The following PHF14 variants were observed in gnomAD, a reference collection of about 807,000 sequenced individuals.
PHF14 encodes PHD finger protein 14.
Under a neutral mutation model 117.9 loss-of-function variants are expected in PHF14, and 55 were observed. The ratio of observed to expected loss-of-function variants is 0.47; its 90% CI spans 0.38 to 0.58. The LOEUF (loss-of-function observed/expected upper bound fraction) is 0.58. PHF14 is among the 20% of genes least tolerant of loss of function. PHF14 has a pLI of 0.00. For synonymous variants in PHF14, 409 were observed against 368.6 expected (o/e 1.11, Z -1.26); for missense variants, 978 against 1,122.2 (o/e 0.87, Z 1.84).
intron 4 of PHF14, among the ~76,000 whole-genome samples, chr7:11,009,947 G>C (rs1583361211): frequency 6.6e-6 from 1 of 152,290 alleles, no homozygotes; most frequent in Admixed American, 6.5e-5. Flanking sequence ...TATGTGTGTG[G>C]AATATTCTTT....
At chr7:11,055,285 A>G (rs557422184) in intron 14 of PHF14, among the ~76,000 whole-genome samples, 1 of 152,188 alleles carries the variant, frequency 6.6e-6, no homozygotes, top group Non-Finnish European at 1.5e-5. Flanking sequence ...CATATTTTCT[A>G]ATACTCTAAT....
rs543602845 is a variant in PHF14, at chr7:11,066,661, A to G, written c.2654+4576A>G. The stretch of plus-strand genomic sequence containing the variant: ...CTGCCCCATGTGGATTCCCAGTATC[A>G]TTTGTTGAAAATACTTGCCTTTCCA... On this transcript the variant is annotated intron_variant, in intron 16 of 17. Coordinates refer to ENST00000634607, the MANE Select transcript of PHF14 (RefSeq NM_001007157.2). 3.9e-5 allele frequency among the ~76,000 whole-genome samples: 6 copies of G among 152,334 alleles called. No homozygotes were observed. In the East Asian group the frequency reaches 7.7e-4, roughly 20 times the overall value.
chr7:11,163,836 T>C (rs1789120719), intron 17 of PHF14, among the ~76,000 whole-genome samples: 1 of 152,194 alleles, frequency 6.6e-6, no homozygotes, highest in Non-Finnish European at 1.5e-5. Flanking sequence ...TTTAAATGAA[T>C]AAAACAATAT....
intron 16 of PHF14, among the ~76,000 whole-genome samples, chr7:11,090,115 C>T (rs1207918312): frequency 6.6e-6 from 1 of 152,132 alleles, no homozygotes; most frequent in Non-Finnish European, 1.5e-5. Flanking sequence ...TTTTTTTATA[C>T]TTAAGATTAT....
At chr7:10,993,824 A>G (rs1194883220) in intron 4 of PHF14, among the ~76,000 whole-genome samples, 2 of 151,870 alleles carry the variant, frequency 1.3e-5, no homozygotes, top group African/African-American at 4.8e-5. Flanking sequence ...GCCTGGCCAA[A>G]ATGGTGAAAC....
rs570329546 is a variant in PHF14 at position 11,066,378 on chromosome 7, G to A, written c.2654+4293G>A. 1.2e-3 allele frequency among the ~76,000 whole-genome samples: 183 copies of A among 152,206 alleles called. 1 individual carries two copies. The highest frequency in any genetic ancestry group is 4.3e-3 in the African/African-American group (178 of 41,540). On this transcript the variant is annotated intron_variant, in intron 16 of 17. Coordinates refer to ENST00000634607, the MANE Select transcript of PHF14 (RefSeq NM_001007157.2). ...GGGCTCAAGCAATCCTCTCACCTCAGCCTCCCGAGTAGCTGAGACTTGATT... is the reference window on the plus strand; with the variant it reads ...GGGCTCAAGCAATCCTCTCACCTCAACCTCCCGAGTAGCTGAGACTTGATT...
At position 10,983,079 on chromosome 7, in the gene PHF14, A is replaced by G; in HGVS notation, c.820A>G (p.Lys274Glu). Reference protein sequence around the residue: ...SEGGCKKKKSKVLSRNSADDE... With the variant: ...SEGGCKKKKSEVLSRNSADDE... ...AGGGGGTTGCAAGAAGAAGAAGAGT[A>G]AAGTTCTTAGCAGAAACAGTGCTGA... is the stretch of plus-strand genomic sequence containing the variant. Residue 274 changes from lysine to glutamate, a missense_variant, in exon 3 of 18, where the codon AAA becomes GAA. Lys to Glu is a moderately conservative substitution (Grantham distance 56). Around this residue, in one of 7 missense-constraint regions of PHF14, gnomAD observed 414 missense variants for 376.4 expected, o/e 1.10. Coordinates refer to ENST00000634607, the MANE Select transcript of PHF14 (RefSeq NM_001007157.2). 2 of 1,599,300 alleles carry G rather than the reference A, an allele frequency of 1.3e-6. No individual in the cohort carries two copies. The highest frequency in any genetic ancestry group is 1.3e-5 in the African/African-American group (1 of 75,046).
At chr7:11,148,696 T>C (rs548788667) in intron 17 of PHF14, among the ~76,000 whole-genome samples, 8 of 152,160 alleles carry the variant, frequency 5.3e-5, no homozygotes, top group Non-Finnish European at 8.8e-5. Context: ...ACCTGACACA[T>C]AATAGACACA....
At chr7:11,124,616 C>T (rs1280700906) in intron 17 of PHF14, among the ~76,000 whole-genome samples, 1 of 151,764 alleles carries the variant, frequency 6.6e-6, no homozygotes, top group Non-Finnish European at 1.5e-5. Flanking sequence ...CTCCTTTCTG[C>T]AGATGAAAGA....
intron 3 of PHF14, among the ~76,000 whole-genome samples, chr7:10,985,339 A>C (rs10277845): frequency 0.11 from 17,386 of 152,122 alleles, 1,277 homozygotes; most frequent in African/African-American, 0.21. Context: ...CTTTGTTTTC[A>C]GAAACTACTT....
At chr7:11,118,234 G>A (rs1427714227) in intron 17 of PHF14, among the ~76,000 whole-genome samples, 1 of 151,840 alleles carries the variant, frequency 6.6e-6, no homozygotes, top group Admixed American at 6.6e-5. Context: ...TAAAACTGTG[G>A]TATGTGGTTA....
At chr7:11,031,957 A>G (rs1784134818) in intron 7 of PHF14, among the ~76,000 whole-genome samples, 1 of 152,128 alleles carries the variant, frequency 6.6e-6, no homozygotes, top group African/African-American at 2.4e-5. Flanking sequence ...AGAAAATTAT[A>G]TTTGAAACAA....
At chr7:11,146,806 C>A (rs572788095) in intron 17 of PHF14, among the ~76,000 whole-genome samples, 1 of 152,040 alleles carries the variant, frequency 6.6e-6, no homozygotes, top group Non-Finnish European at 1.5e-5. Context: ...AATTGACTCA[C>A]TTTTGTGCAA....
Position 11,068,177 on chromosome 7 carries a change from C to T in PHF14, c.2654+6092C>T, listed in dbSNP as rs902980297. 9.9e-5 allele frequency among the ~76,000 whole-genome samples: 15 copies of T among 151,858 alleles called. 1 individual carries two copies. The South Asian group carries it at 2.3e-3, about 23-fold the overall frequency. On this transcript the variant is annotated intron_variant, in intron 16 of 17. Coordinates refer to ENST00000634607, the MANE Select transcript of PHF14 (RefSeq NM_001007157.2). ...CATCCTGGCTAACACAGTGAAACCCCGTCTCTACTAAAAAATACAAAAAAT... is the reference window on the plus strand; with the variant it reads ...CATCCTGGCTAACACAGTGAAACCCTGTCTCTACTAAAAAATACAAAAAAT...
intron 16 of PHF14, among the ~76,000 whole-genome samples, chr7:11,072,326 A>G (rs886728303): frequency 6.6e-6 from 1 of 152,162 alleles, no homozygotes; most frequent in Non-Finnish European, 1.5e-5. Context: ...GGATGGTATA[A>G]ACCATTCATG....
intron 16 of PHF14, among the ~76,000 whole-genome samples, chr7:11,094,906 A>G (rs910477524): frequency 3.9e-5 from 6 of 152,080 alleles, no homozygotes; most frequent in Non-Finnish European, 1.5e-5. Context: ...TTGAAAAGTT[A>G]TAATTTTGTA....
intron 17 of PHF14, among the ~76,000 whole-genome samples, chr7:11,162,451 A>T (rs73286533): frequency 6.6e-6 from 1 of 152,028 alleles, no homozygotes; most frequent in Admixed American, 6.5e-5. Flanking sequence ...GTTTATGGAA[A>T]TATATAAATT....
At chr7:11,026,632 G>A (rs1783920028) in intron 6 of PHF14, among the ~76,000 whole-genome samples, 3 of 151,920 alleles carry the variant, frequency 2.0e-5, no homozygotes, top group African/African-American at 2.4e-5. Flanking sequence ...GACTACAGCT[G>A]TGTTGTTTTT....
intron 3 of PHF14, among the ~76,000 whole-genome samples, 172 bp downstream of exon 3, chr7:10,983,331 A>G (rs1164678165): frequency 6.6e-6 from 1 of 152,176 alleles, no homozygotes; most frequent in Non-Finnish European, 1.5e-5. Context: ...GACTTTTATT[A>G]AATATCTACT....
Sources: allele counts gnomAD v4.1 joint callset (sites outside exome capture counted in the v4.1 genomes callset), GRCh38; gene constraint gnomAD v4.1.1; regional missense constraint gnomAD v4.1.1; transcripts MANE v1.5; gene names NCBI Gene and HGNC (gene_info 2026-07-23, HGNC 2026-07-21).